CACNA1E: variants seen among roughly 807,000 people sequenced by gnomAD.
CACNA1E encodes the protein voltage-dependent R-type calcium channel subunit alpha-1E.
A neutral mutation model predicts 259.2 loss-of-function variants in CACNA1E; 40 were observed. The ratio of observed to expected loss-of-function variants is 0.15; its 90% confidence interval spans 0.12 to 0.20. The LOEUF (loss-of-function observed/expected upper bound fraction) is 0.20. Ranked by LOEUF, CACNA1E falls within the 10% of genes least tolerant of loss-of-function variation. CACNA1E has a pLI of 1.00. For missense variants in CACNA1E, 1,874 were observed against 3,040.1 expected, an observed-to-expected ratio of 0.62 and a Z score of 9.02; for synonymous variants, 1,104 against 1,138.5, an observed-to-expected ratio of 0.97 and a Z score of 0.61.
intron 1 of CACNA1E, among the ~76,000 whole-genome samples, chr1:181,400,036 G>T (rs1280023250): frequency 6.6e-6 from 1 of 152,170 alleles, no homozygotes; most frequent in African/African-American, 2.4e-5. Flanking sequence ...GAATAGTACA[G>T]GTGACCCAGA....
chr1:181,410,346 C>G (rs549611033), intron 1 of CACNA1E, among the ~76,000 whole-genome samples: 1 of 152,336 alleles, frequency 6.6e-6, no homozygotes, highest in Non-Finnish European at 1.5e-5. Flanking sequence ...TCTCCCTGAT[C>G]CCTTGACCTG....
At chr1:181,556,917 G>A (rs890188028) in intron 3 of CACNA1E, among the ~76,000 whole-genome samples, 1 of 152,212 alleles carries the variant, frequency 6.6e-6, no homozygotes, top group Non-Finnish European at 1.5e-5. Flanking sequence ...AGTTCACACA[G>A]AATTTTTAGT....
At chr1:181,583,335 C>G (rs1466206490) in intron 6 of CACNA1E, among the ~76,000 whole-genome samples, 2 of 152,140 alleles carry the variant, frequency 1.3e-5, no homozygotes, top group Non-Finnish European at 2.9e-5. Flanking sequence ...TTCTACCACT[C>G]CTCATTCTGG....
chr1:181,771,310 A>G lies in CACNA1E; in HGVS notation c.4899A>G (p.Lys1633=), dbSNP rs369076418. Residue 1633 remains lysine (K), a synonymous_variant, in exon 36 of 48, where the codon AAA becomes AAG. Coordinates refer to ENST00000367573, the MANE Select transcript of CACNA1E (RefSeq NM_001205293.3). The part of the protein sequence containing the change: ...IIGMQVFGNI[K]LDEESHINRH... ...TCCTCAAGGTATTTGGAAACATAAA[A>G]TTAGACGAGGAGAGTCACATCAACC... 3 of 1,583,510 alleles carry G rather than the reference A, an allele frequency of 1.9e-6. No homozygotes were observed. In the African/African-American group the frequency reaches 4.0e-5, roughly 21 times the overall value.
At chr1:181,704,854 C>A (rs894644423) in intron 7 of CACNA1E, among the ~76,000 whole-genome samples, 4 of 152,130 alleles carry the variant, frequency 2.6e-5, no homozygotes, top group African/African-American at 9.7e-5. Context: ...AGTCCTCCAA[C>A]CGAGGCTTTC....
At chr1:181,590,412 A>ATATATATATATATATATATATATATATAT (rs1423754228) in intron 6 of CACNA1E, among the ~76,000 whole-genome samples, 1 of 121,584 alleles carries the variant, frequency 8.2e-6, no homozygotes, top group African/African-American at 3.4e-5. Flanking sequence ...AAAAAAAAAA[A>ATATATATATATATATATATATATATATAT]AAAAATATAT....
intron 2 of CACNA1E, among the ~76,000 whole-genome samples, chr1:181,474,362 T>C (rs1662708180): frequency 6.6e-6 from 1 of 152,240 alleles, no homozygotes; most frequent in African/African-American, 2.4e-5. Context: ...TCTCTCTTGA[T>C]TGAGAATTAC....
At chr1:181,583,218 T>C (rs1424318443) in intron 6 of CACNA1E, among the ~76,000 whole-genome samples, 3 of 152,188 alleles carry the variant, frequency 2.0e-5, no homozygotes, top group Admixed American at 2.0e-4. Flanking sequence ...AATACATGTA[T>C]ACATATATAT....
intron 3 of CACNA1E, among the ~76,000 whole-genome samples, chr1:181,563,792 C>T (rs1336057421): frequency 6.6e-6 from 1 of 152,138 alleles, no homozygotes; most frequent in African/African-American, 2.4e-5. Flanking sequence ...TACAAGGATA[C>T]CTCAGAGAAT....
chr1:181,760,978 T>C (rs568057037), intron 32 of CACNA1E, among the ~76,000 whole-genome samples: 5 of 152,284 alleles, frequency 3.3e-5, no homozygotes, highest in African/African-American at 7.2e-5. Flanking sequence ...TCACCCCAGG[T>C]TGGACAATAG....
chr1:181,382,506 G>A (rs1031787634), intron 1 of CACNA1E, among the ~76,000 whole-genome samples: 1 of 152,118 alleles, frequency 6.6e-6, no homozygotes, highest in Non-Finnish European at 1.5e-5. Context: ...GCAGTGGAGA[G>A]GAAGAATTTA....
chr1:181,510,463 C>T lies in CACNA1E; in HGVS notation c.267-14C>T. Reference sequence around the variant, plus strand: ...CCTCTCTGGTGAATTTGTTCCTTAACTCCGCTTTCCCACGCCATTTGAGTA... The same window carrying T: ...CCTCTCTGGTGAATTTGTTCCTTAATTCCGCTTTCCCACGCCATTTGAGTA... On this transcript the variant is annotated splice_polypyrimidine_tract_variant and intron_variant, in intron 1 of 47. Transcript: ENST00000367573. 6.3e-7 allele frequency: 1 copy of T among 1,599,208 alleles called. No homozygotes were observed. Among genetic ancestry groups the T allele is most frequent in the Non-Finnish European group, 8.6e-7 (1 of 1,166,504 alleles).
intron 6 of CACNA1E, among the ~76,000 whole-genome samples, chr1:181,607,787 T>C (rs778721128): frequency 1.9e-4 from 29 of 152,158 alleles, no homozygotes; most frequent in African/African-American, 6.3e-4. Flanking sequence ...GAAGAAAGTT[T>C]CCTGCAGGAG....
At chr1:181,619,485 G>A (rs887265602) in intron 6 of CACNA1E, among the ~76,000 whole-genome samples, 2 of 152,102 alleles carry the variant, frequency 1.3e-5, no homozygotes, top group South Asian at 4.1e-4. Context: ...TTTAACTTGG[G>A]GTGAGTTAGG....
chr1:181,325,560 A>G (rs935989402), intron 1 of CACNA1E, among the ~76,000 whole-genome samples: 1 of 152,222 alleles, frequency 6.6e-6, no homozygotes, highest in Non-Finnish European at 1.5e-5. Context: ...GGGGAGTCTC[A>G]TGCACGTTAG....
chr1:181,754,751 T>C (rs139105228), intron 27 of CACNA1E, among the ~76,000 whole-genome samples: 3 of 152,336 alleles, frequency 2.0e-5, no homozygotes, highest in African/African-American at 7.2e-5. Flanking sequence ...ACAAAGATGA[T>C]AGTGTATTAT....
chr1:181,736,136 C>A, intron 21 of CACNA1E, 139 bp from the exon 22 acceptor site: 1 of 906,424 alleles, frequency 1.1e-6, no homozygotes, highest in South Asian at 2.0e-5. Context: ...GTAAATACCC[C>A]CAGTGCCTGC....
intron 37 of CACNA1E, among the ~76,000 whole-genome samples, chr1:181,774,148 TAAC>T (rs1011704018): frequency 6.6e-6 from 1 of 152,212 alleles, no homozygotes; most frequent in Non-Finnish European, 1.5e-5. Context: ...GGAGCAAGCG[TAAC>T]AACAAGTAAT....
At chr1:181,611,527 G>A (rs1220307905) in intron 6 of CACNA1E, among the ~76,000 whole-genome samples, 1 of 151,982 alleles carries the variant, frequency 6.6e-6, no homozygotes, top group Non-Finnish European at 1.5e-5. Context: ...TTGGGCAGGT[G>A]CACCTCTACT....
Sources: allele counts gnomAD v4.1 joint callset (sites outside exome capture counted in the v4.1 genomes callset), GRCh38; gene constraint gnomAD v4.1.1; transcripts MANE v1.5; gene names NCBI Gene and HGNC (gene_info 2026-07-23, HGNC 2026-07-21).